CEP128: variants seen among roughly 807,000 people sequenced by gnomAD.
The protein encoded by CEP128 is centrosomal protein 128kDa.
A neutral mutation model predicts 156.7 loss-of-function variants in CEP128; 132 were observed. The ratio of observed to expected loss-of-function variants is 0.84; its 90% CI spans 0.73 to 0.97. The LOEUF is 0.97. CEP128 is among the 50% of genes least tolerant of loss of function. The pLI, the probability that CEP128 is intolerant of heterozygous loss-of-function variation, is 0.00. For synonymous variants in CEP128, 469 were observed against 448.9 expected (o/e 1.04, Z -0.57); for missense variants, 1,252 against 1,281.9 (o/e 0.98, Z 0.36).
At chr14:80,944,319 T>A (rs960602369), upstream of CEP128, among the ~76,000 whole-genome samples, 1 of 152,080 alleles carries the variant, frequency 6.6e-6, no homozygotes, top group Non-Finnish European at 1.5e-5. Context: ...GGAGGAACCT[T>A]GTGAGGGGTG....
intron 24 of CEP128, among the ~76,000 whole-genome samples, chr14:80,499,027 C>T (rs1459267648): frequency 6.6e-6 from 1 of 152,196 alleles, no homozygotes; most frequent in Non-Finnish European, 1.5e-5. Flanking sequence ...ACCACTGTCA[C>T]ATAAAATAAA....
intron 19 of CEP128, among the ~76,000 whole-genome samples, chr14:80,734,776 A>T (rs1282786226): frequency 1.4e-5 from 2 of 141,816 alleles, no homozygotes; most frequent in Non-Finnish European, 3.0e-5. Context: ...TAAACCCAGG[A>T]GGCAGAGGTT....
At chr14:80,560,702 G>A (rs1034192071) in intron 20 of CEP128, among the ~76,000 whole-genome samples, 5 of 152,132 alleles carry the variant, frequency 3.3e-5, no homozygotes, top group Admixed American at 1.3e-4. Flanking sequence ...GCAGAGAAAT[G>A]TGAAAGGGGA....
chr14:80,696,817 A>C (rs1367978187), intron 19 of CEP128, among the ~76,000 whole-genome samples: 1 of 152,188 alleles, frequency 6.6e-6, no homozygotes, highest in Non-Finnish European at 1.5e-5. Flanking sequence ...AGAGACCTTT[A>C]AACAGGAATA....
chr14:80,505,068 C>T (rs1887910138), intron 23 of CEP128, 48 bp from the exon 24 acceptor site: 1 of 894,152 alleles, frequency 1.1e-6, no homozygotes, highest in Non-Finnish European at 1.7e-6. Flanking sequence ...AAGGTATGGA[C>T]CAAGGCTCAT....
chr14:80,537,476 G>GA (rs1437924967), intron 21 of CEP128, among the ~76,000 whole-genome samples: 1 of 151,888 alleles, frequency 6.6e-6, no homozygotes, highest in Non-Finnish European at 1.5e-5. Flanking sequence ...CTGATATAAA[G>GA]AAAAAATAAC....
intron 19 of CEP128, 90 bp from the exon 20 acceptor site, chr14:80,580,513 T>C (rs1891545881): frequency 1.3e-6 from 1 of 752,178 alleles, no homozygotes. Flanking sequence ...GTAGCTTGTA[T>C]AAACTGTTGC....
chr14:80,681,585 T>C (rs1447019181), intron 19 of CEP128, among the ~76,000 whole-genome samples: 2 of 152,192 alleles, frequency 1.3e-5, no homozygotes, highest in Non-Finnish European at 2.9e-5. Flanking sequence ...CCCCATGTTG[T>C]TCTCATGATA....
At chr14:80,898,805 A>C (rs932527511) in intron 7 of CEP128, among the ~76,000 whole-genome samples, 3 of 152,240 alleles carry the variant, frequency 2.0e-5, no homozygotes, top group Admixed American at 1.3e-4. Flanking sequence ...TAGCTCAATA[A>C]TATATCTCAC....
chr14:80,522,884 T>A (rs1380084000), intron 23 of CEP128, among the ~76,000 whole-genome samples: 1 of 152,252 alleles, frequency 6.6e-6, no homozygotes, highest in African/African-American at 2.4e-5. Context: ...GAATTCTAAC[T>A]ATAAGCTTTT....
intron 15 of CEP128, among the ~76,000 whole-genome samples, chr14:80,783,888 A>G (rs1406880938): frequency 6.6e-6 from 1 of 152,130 alleles, no homozygotes; most frequent in African/African-American, 2.4e-5. Flanking sequence ...TTTAGCCTCC[A>G]TTCTGACCTG....
At chr14:80,791,819 G>C (rs1335406170) in intron 14 of CEP128, among the ~76,000 whole-genome samples, 1 of 152,152 alleles carries the variant, frequency 6.6e-6, no homozygotes, top group East Asian at 1.9e-4. Context: ...TCTTTTCCAT[G>C]ACAGCTCATC....
At chr14:80,857,743 ACAAC>A (rs769283442) in intron 9 of CEP128, among the ~76,000 whole-genome samples, 1 of 128,958 alleles carries the variant, frequency 7.8e-6, no homozygotes, top group Admixed American at 7.2e-5. Flanking sequence ...TCAAAAAAAA[ACAAC>A]AACAACAACA....
chr14:80,585,067 G>A (rs1474666616), intron 19 of CEP128, among the ~76,000 whole-genome samples: 4 of 152,226 alleles, frequency 2.6e-5, no homozygotes, highest in African/African-American at 7.2e-5. Context: ...GCAGCCCTGT[G>A]TATTTTCCTT....
At position 80,757,288 on chromosome 14, in the gene CEP128, T is replaced by C. The variant is rs543100928; in HGVS notation, c.2554-337A>G. 5.9e-5 allele frequency among the ~76,000 whole-genome samples: 9 copies of C among 152,324 alleles called. No individual in the cohort carries two copies. The South Asian group carries it at 1.0e-3, about 18-fold the overall frequency. ...AGTCAGTTTATTTCATTTCTGTTTG[T>C]TTCCTCTCCTCAGTCGTGTTCTACA... is the stretch of plus-strand genomic sequence containing the variant. On this transcript the variant is annotated intron_variant, in intron 17 of 24. Transcript: ENST00000555265.
intron 19 of CEP128, among the ~76,000 whole-genome samples, chr14:80,708,229 A>G (rs1897288999): frequency 6.6e-6 from 1 of 152,152 alleles, no homozygotes; most frequent in South Asian, 2.1e-4. Flanking sequence ...TTTGATATAC[A>G]TTCCTAAAAG....
intron 19 of CEP128, among the ~76,000 whole-genome samples, chr14:80,655,697 C>T (rs372531209): frequency 1.3e-5 from 2 of 152,078 alleles, no homozygotes; most frequent in African/African-American, 4.8e-5. Context: ...GAGGCACCTA[C>T]CCTTTGGGAT....
At chr14:80,739,275 C>A (rs995788040) in intron 19 of CEP128, among the ~76,000 whole-genome samples, 1 of 152,046 alleles carries the variant, frequency 6.6e-6, no homozygotes, top group Non-Finnish European at 1.5e-5. Flanking sequence ...AGCTACCCAT[C>A]AAAATAAGAA....
chr14:80,606,796 A>G (rs1173778194), intron 19 of CEP128, among the ~76,000 whole-genome samples: 1 of 151,990 alleles, frequency 6.6e-6, no homozygotes, highest in Non-Finnish European at 1.5e-5. Context: ...AGAGAGCAGA[A>G]AAGCCTGGAT....
Sources: gnomAD v4.1 joint callset for allele counts (sites outside exome capture counted in the v4.1 genomes callset) on GRCh38, gnomAD v4.1.1 for gene constraint, MANE v1.5 for transcripts, NCBI Gene and HGNC (gene_info 2026-07-23, HGNC 2026-07-21) for gene names.